Variants in OR7C1 observed in about 807,000 individuals in gnomAD.
The protein encoded by OR7C1 is olfactory receptor family 7 subfamily C member 1, also known as olfactory receptor 7C1.
For synonymous variants in OR7C1, 152 were observed against 160.7 expected (o/e 0.95, Z 0.41); for missense variants, 324 against 383.3 (o/e 0.85, Z 1.29).
chr19:14,804,473 T>TGA, intron 2 of OR7C1, among the ~76,000 whole-genome samples: 4 of 152,070 alleles, frequency 2.6e-5, no homozygotes, highest in African/African-American at 9.7e-5. Flanking sequence ...CGCCACACTA[T>TGA]AATATTCAAA....
At chr19:14,834,357 C>T (rs965929543) in intron 1 of OR7C1, among the ~76,000 whole-genome samples, 4 of 152,150 alleles carry the variant, frequency 2.6e-5, no homozygotes, top group Non-Finnish European at 4.4e-5. Context: ...GTTTCTCAAT[C>T]TCAGCACTAT....
At chr19:14,827,452 C>A (rs749268440) in intron 1 of OR7C1, 2 of 1,614,090 alleles carry the variant, frequency 1.2e-6, no homozygotes, top group Admixed American at 1.7e-5. Flanking sequence ...TTGCGGGTGG[C>A]AGCAGAACTA....
At chr19:14,824,410 T>G (rs2044755390) in intron 1 of OR7C1, 1 of 152,188 alleles carries the variant, frequency 6.6e-6, no homozygotes, top group South Asian at 2.1e-4. Flanking sequence ...CAGTGTCTGT[T>G]GATCCCAACT....
chr19:14,801,113 AG>A (rs2044639766), intron 2 of OR7C1, among the ~76,000 whole-genome samples: 1 of 152,222 alleles, frequency 6.6e-6, no homozygotes, highest in Non-Finnish European at 1.5e-5. Flanking sequence ...ATATTTGAGT[AG>A]CAATGGTCTT....
At chr19:14,799,341 G>T in exon 5 of OR7C1, 1 of 1,614,194 alleles carries the variant, frequency 6.2e-7, no homozygotes, top group South Asian at 1.1e-5. Context: ...CTAGAAGATG[G>T]TGTGGCTGCA....
intron 1 of OR7C1, among the ~76,000 whole-genome samples, chr19:14,821,008 C>T (rs955465579): frequency 2.0e-5 from 3 of 152,146 alleles, no homozygotes. Context: ...AATCCCAGCA[C>T]TTTGGGAGGC....
At chr19:14,826,710 TA>T (rs1379800516) in intron 1 of OR7C1, 1 of 152,218 alleles carries the variant, frequency 6.6e-6, no homozygotes, top group East Asian at 1.9e-4. Context: ...ATATTTTTGA[TA>T]AACAATTTTT....
intron 2 of OR7C1, among the ~76,000 whole-genome samples, chr19:14,802,017 C>T (rs997888311): frequency 2.6e-5 from 4 of 152,174 alleles, no homozygotes; most frequent in African/African-American, 9.7e-5. Flanking sequence ...AGTCAGGAAT[C>T]TGGAAAACAG....
At chr19:14,804,532 G>T (rs1339224097) in intron 2 of OR7C1, among the ~76,000 whole-genome samples, 1 of 150,122 alleles carries the variant, frequency 6.7e-6, no homozygotes, top group Non-Finnish European at 1.5e-5. Context: ...AAACAAGAAA[G>T]TATAGCAAAG....
At chr19:14,812,699 C>T (rs1030118525) in intron 1 of OR7C1, among the ~76,000 whole-genome samples, 9 of 151,628 alleles carry the variant, frequency 5.9e-5, no homozygotes, top group Admixed American at 2.0e-4. Flanking sequence ...GTTTTGTTTG[C>T]GGCTCGTCCT....
chr19:14,819,490 G>A (rs2044731366), intron 1 of OR7C1, among the ~76,000 whole-genome samples: 1 of 152,136 alleles, frequency 6.6e-6, no homozygotes, highest in African/African-American at 2.4e-5. Flanking sequence ...TCCCTGCAAA[G>A]GACATGATCT....
chr19:14,806,223 C>T (rs1409646566), intron 2 of OR7C1, among the ~76,000 whole-genome samples: 1 of 151,826 alleles, frequency 6.6e-6, no homozygotes, highest in Non-Finnish European at 1.5e-5. Flanking sequence ...GGTCTTTAGC[C>T]TACATTAAGG....
At chr19:14,806,345 G>A (rs2044666573) in intron 2 of OR7C1, among the ~76,000 whole-genome samples, 1 of 151,912 alleles carries the variant, frequency 6.6e-6, no homozygotes, top group Non-Finnish European at 1.5e-5. Flanking sequence ...AGTCATTAAT[G>A]TATTTTATGC....
intron 1 of OR7C1, among the ~76,000 whole-genome samples, chr19:14,811,789 CA>C (rs956108734): frequency 5.3e-5 from 8 of 151,932 alleles, no homozygotes; most frequent in Non-Finnish European, 7.3e-5. Context: ...TACTGTAATT[CA>C]CCTATTAAAA....
At chr19:14,800,209 T>A in intron 4 of OR7C1, 47 bp downstream of exon 4, 1 of 1,459,212 alleles carries the variant, frequency 6.9e-7, no homozygotes, top group Middle Eastern at 2.2e-4. Context: ...CATGGAAATT[T>A]GGTTACATTT....
intron 2 of OR7C1, among the ~76,000 whole-genome samples, chr19:14,803,749 G>A (rs368243772): frequency 2.2e-4 from 33 of 150,914 alleles, no homozygotes; most frequent in Non-Finnish European, 3.4e-4. Context: ...TCGCTGTGTC[G>A]CCCAGGCTGG....
At position 14,799,073 on chromosome 19, in the gene OR7C1, C is replaced by T. The variant is rs528411172; in HGVS notation, c.*101G>A. 87 of 1,422,626 alleles carry T rather than the reference C, an allele frequency of 6.1e-5. No homozygotes were observed. The Admixed American group carries it at 6.7e-4, about 11-fold the overall frequency. The allele number at this position is 1,422,626 out of a possible 1,614,324, so 88.1% of individuals were successfully genotyped here. A position where few individuals can be genotyped will look rare whatever the true frequency, so the allele number is the denominator to read the frequency against. The stretch of plus-strand genomic sequence containing the variant: ...CTTTCTAGCTCCTGTATCAAAGACA[C>T]GATAAGATATGGTAATTCCAGAACT... On this transcript the variant is annotated 3_prime_UTR_variant, in exon 5 of 5. Transcript: ENST00000641666.
intron 1 of OR7C1, among the ~76,000 whole-genome samples, chr19:14,811,379 T>C (rs2044690194): frequency 1.3e-5 from 2 of 151,878 alleles, no homozygotes; most frequent in African/African-American, 2.4e-5. Flanking sequence ...CTCCTCTGTC[T>C]GTGTCATTTG....
chr19:14,828,122 G>T, intron 1 of OR7C1: 2 of 1,614,128 alleles, frequency 1.2e-6, no homozygotes, highest in Non-Finnish European at 1.7e-6. Flanking sequence ...GCAGGTTCCC[G>T]AGCACAGTGA....
Sources: gnomAD v4.1 joint callset for allele counts (sites outside exome capture counted in the v4.1 genomes callset) on GRCh38, gnomAD v4.1.1 for gene constraint, MANE v1.5 for transcripts, NCBI Gene and HGNC (gene_info 2026-07-23, HGNC 2026-07-21) for gene names.